CTNNA2: variants seen among roughly 807,000 people sequenced by gnomAD.
CTNNA2 encodes the protein catenin alpha-2.
Under a neutral mutation model 101.0 loss-of-function variants are expected in CTNNA2, and 42 were observed. That is an observed-to-expected ratio of 0.42 (90% confidence interval 0.32 to 0.54). The LOEUF (loss-of-function observed/expected upper bound fraction) is 0.54, where lower values mean the gene tolerates loss of function less well. CTNNA2 is among the 20% of genes least tolerant of loss of function. The pLI is 0.14. For synonymous variants in CTNNA2, 450 were observed against 456.4 expected (o/e 0.99, Z 0.18); for missense variants, 871 against 1,223.1 (o/e 0.71, Z 4.29).
chr2:80,326,578 G>C (rs1204618080), intron 7 of CTNNA2, among the ~76,000 whole-genome samples: 1 of 152,020 alleles, frequency 6.6e-6, no homozygotes, highest in Non-Finnish European at 1.5e-5. Flanking sequence ...ATTAGCATCT[G>C]ACTGTGAAGG....
rs181917367 is a variant in CTNNA2 at position 79,759,190 on chromosome 2, G to A, written c.298+14608G>A. ...CAGTTAAAAATGAATGAAAAGCCAC[G>A]AGACCAGCCTGGCCAACGTGGAGAA... is the stretch of plus-strand genomic sequence containing the variant. On this transcript the variant is annotated intron_variant, in intron 3 of 18. Coordinates refer to ENST00000402739, the MANE Select transcript of CTNNA2 (RefSeq NM_001282597.3). 7.4e-4 allele frequency among the ~76,000 whole-genome samples: 112 copies of A among 152,106 alleles called. 1 individual carries two copies. The highest frequency in any genetic ancestry group is 2.5e-3 in the African/African-American group (105 of 41,500).
chr2:79,790,437 G>A (rs938073298), intron 3 of CTNNA2, among the ~76,000 whole-genome samples: 1 of 152,162 alleles, frequency 6.6e-6, no homozygotes, highest in African/African-American at 2.4e-5. Flanking sequence ...GAATATGGTG[G>A]TGAGGGTAAA....
chr2:79,805,317 T>A (rs547184718), intron 3 of CTNNA2, among the ~76,000 whole-genome samples: 1 of 152,352 alleles, frequency 6.6e-6, no homozygotes, highest in East Asian at 1.9e-4. Context: ...AGTCTAAACA[T>A]GAAATGTCTT....
At chr2:80,242,183 C>G (rs1670991797) in intron 7 of CTNNA2, among the ~76,000 whole-genome samples, 1 of 152,128 alleles carries the variant, frequency 6.6e-6, no homozygotes, top group East Asian at 1.9e-4. Context: ...TCTCAGATTC[C>G]TTTATTCCAG....
At chr2:80,508,344 G>A (rs962825075) in intron 9 of CTNNA2, among the ~76,000 whole-genome samples, 12 of 152,062 alleles carry the variant, frequency 7.9e-5, no homozygotes, top group African/African-American at 1.4e-4. Context: ...AATTAGCCAG[G>A]CGTGGTGACA....
At chr2:79,853,029 G>C (rs1379205626) in intron 3 of CTNNA2, among the ~76,000 whole-genome samples, 1 of 151,682 alleles carries the variant, frequency 6.6e-6, no homozygotes, top group African/African-American at 2.4e-5. Context: ...AGCACGCCTG[G>C]CTAATTTTTT....
chr2:80,072,435 T>A (rs183111841), intron 7 of CTNNA2, among the ~76,000 whole-genome samples: 1 of 152,178 alleles, frequency 6.6e-6, no homozygotes. Context: ...AAGGGCCTTC[T>A]GGGGTACCCC....
chr2:80,126,476 TCTCTGTCTTGATCC>T (rs1396266863), intron 7 of CTNNA2, among the ~76,000 whole-genome samples: 5 of 151,934 alleles, frequency 3.3e-5, no homozygotes, highest in Non-Finnish European at 7.4e-5. Context: ...TCTCTCTCTC[TCTCTGTCTTGATCC>T]CTCTCCCCTA....
chr2:80,117,706 A>G (rs1054224341), intron 7 of CTNNA2, among the ~76,000 whole-genome samples: 8 of 152,118 alleles, frequency 5.3e-5, no homozygotes, highest in Admixed American at 1.3e-4. Context: ...TAACTGGTCT[A>G]CTGGGGGGAT....
At chr2:80,509,429 A>G (rs1368991951) in intron 9 of CTNNA2, among the ~76,000 whole-genome samples, 1 of 152,182 alleles carries the variant, frequency 6.6e-6, no homozygotes, top group Non-Finnish European at 1.5e-5. Context: ...GTAATACTCT[A>G]CGGACAAGAA....
intron 1 of CTNNA2, among the ~76,000 whole-genome samples, chr2:79,192,380 G>A (rs1054500868): frequency 3.3e-5 from 5 of 152,078 alleles, no homozygotes; most frequent in Admixed American, 2.0e-4. Flanking sequence ...CCTTAACCCT[G>A]CATGTTCCTC....
At chr2:79,253,426 C>G (rs1360169354) in intron 2 of CTNNA2, among the ~76,000 whole-genome samples, 1 of 152,216 alleles carries the variant, frequency 6.6e-6, no homozygotes, top group Non-Finnish European at 1.5e-5. Flanking sequence ...TTTTCTCTCA[C>G]TGGTGCATGT....
At chr2:79,958,264 T>G (rs1162449837) in intron 7 of CTNNA2, among the ~76,000 whole-genome samples, 1 of 152,190 alleles carries the variant, frequency 6.6e-6, no homozygotes, top group East Asian at 1.9e-4. Flanking sequence ...CCCAAAGATG[T>G]CCATGCCCTA....
chr2:79,564,497 G>C (rs1194917462), intron 1 of CTNNA2, among the ~76,000 whole-genome samples: 1 of 152,060 alleles, frequency 6.6e-6, no homozygotes, highest in Non-Finnish European at 1.5e-5. Context: ...TGGTGAAGAT[G>C]ATTGAATTTT....
intron 2 of CTNNA2, among the ~76,000 whole-genome samples, chr2:79,726,505 A>T (rs901560092): frequency 6.6e-6 from 1 of 152,056 alleles, no homozygotes; most frequent in African/African-American, 2.4e-5. Flanking sequence ...CATGTGAAGG[A>T]TCTAGGTTGC....
rs148804856 is a variant in CTNNA2 at position 80,053,915 on chromosome 2, TAAG to T, written c.1056+144121_1056+144123del. 2.3e-3 allele frequency among the ~76,000 whole-genome samples: 356 copies of T among 152,352 alleles called. 2 individuals are homozygous for T. Among genetic ancestry groups the T allele is most frequent in the Non-Finnish European group, 3.6e-3 (247 of 68,032 alleles). ...ATCTTCATACGTACGTTTTAAATCT[TAAG>T]AAATATTTGAATTGTAATCAGTATC... is the stretch of plus-strand genomic sequence containing the variant. On this transcript the variant is annotated intron_variant, in intron 7 of 18. Transcript: ENST00000402739.
intron 6 of CTNNA2, among the ~76,000 whole-genome samples, chr2:79,893,911 C>T (rs1684477444): frequency 6.6e-6 from 1 of 152,142 alleles, no homozygotes; most frequent in Admixed American, 6.6e-5. Flanking sequence ...TATGTAACAT[C>T]TGAATTTGAA....
rs547688234 is a variant in CTNNA2 at position 80,504,421 on chromosome 2, A to G, written c.1291-40561A>G. The stretch of plus-strand genomic sequence containing the variant: ...CCAGGATCATCTCTTTTGCTTGACC[A>G]AAGTAAATTGATTAGTAACCTCAAC... On this transcript the variant is annotated intron_variant, in intron 9 of 18. Coordinates refer to ENST00000402739, the MANE Select transcript of CTNNA2 (RefSeq NM_001282597.3). Among the ~76,000 whole-genome samples, 8 of 152,264 alleles carry G rather than the reference A, an allele frequency of 5.3e-5. No homozygotes were observed. In the South Asian group the frequency reaches 1.7e-3, roughly 32 times the overall value.
At chr2:79,672,610 A>C (rs1682913761) in intron 2 of CTNNA2, among the ~76,000 whole-genome samples, 1 of 152,146 alleles carries the variant, frequency 6.6e-6, no homozygotes, top group Non-Finnish European at 1.5e-5. Context: ...TGTTTTTTAA[A>C]AGTTGAAAAT....
Sources: gnomAD v4.1 joint callset for allele counts (sites outside exome capture counted in the v4.1 genomes callset) on GRCh38, gnomAD v4.1.1 for gene constraint, MANE v1.5 for transcripts, NCBI Gene and HGNC (gene_info 2026-07-23, HGNC 2026-07-21) for gene names.